Variants in PTPRE observed in about 807,000 individuals in gnomAD.
PTPRE encodes the protein protein tyrosine phosphatase receptor type E.
PTPRE carries 51 observed loss-of-function variants against 102.0 expected under a neutral mutation model. The ratio of observed to expected loss-of-function variants is 0.50; its 90% confidence interval spans 0.40 to 0.63. PTPRE has a LOEUF of 0.63. Ranked by LOEUF, PTPRE falls within the 30% of genes least tolerant of loss-of-function variation. The pLI is 0.00. For missense variants in PTPRE, 752 were observed against 915.1 expected, an observed-to-expected ratio of 0.82 and a Z score of 2.30; for synonymous variants, 345 against 348.2, an observed-to-expected ratio of 0.99 and a Z score of 0.10.
At chr10:127,910,849 T>C (rs1845820595) in intron 1 of PTPRE, among the ~76,000 whole-genome samples, 1 of 152,138 alleles carries the variant, frequency 6.6e-6, no homozygotes, top group Admixed American at 6.5e-5. Context: ...TTTGGGAGGC[T>C]GAAGCACGCA....
intron 20 of PTPRE, among the ~76,000 whole-genome samples, chr10:128,081,557 C>A (rs1168359864): frequency 6.6e-6 from 1 of 152,192 alleles, no homozygotes. Context: ...CCAGACTGAG[C>A]CAGCTTTGAT....
intron 1 of PTPRE, among the ~76,000 whole-genome samples, chr10:127,916,725 T>C (rs1846233859): frequency 6.6e-6 from 1 of 152,082 alleles, no homozygotes. Flanking sequence ...GTGGAAAGTT[T>C]AAGGATCACC....
At chr10:128,053,232 C>T (rs1848687808) in intron 6 of PTPRE, among the ~76,000 whole-genome samples, 1 of 152,136 alleles carries the variant, frequency 6.6e-6, no homozygotes, top group Non-Finnish European at 1.5e-5. Flanking sequence ...GCCTAGGTAA[C>T]AGAGTGAGAC....
At position 128,049,701 on chromosome 10, in the gene PTPRE, G is replaced by A. The variant is rs760371421; in HGVS notation, c.420+35G>A. 38 of 1,612,762 alleles carry A rather than the reference G, an allele frequency of 2.4e-5. No homozygotes were observed. In the Middle Eastern group the frequency reaches 4.9e-4, roughly 21 times the overall value. ...GGGAGGGCTCTCTGCTGGGTGCCCT[G>A]TGGTGGAGACCTGTGAAATCCAGTG... On this transcript the variant is annotated intron_variant, in intron 6 of 20. Coordinates refer to ENST00000254667, the MANE Select transcript of PTPRE (RefSeq NM_006504.6).
intron 2 of PTPRE, among the ~76,000 whole-genome samples, 158 bp downstream of exon 2, chr10:127,982,454 C>A (rs1851711015): frequency 6.6e-6 from 1 of 151,638 alleles, no homozygotes; most frequent in African/African-American, 2.4e-5. Flanking sequence ...CTTGCTTGAG[C>A]AGGCTCATAT....
intron 1 of PTPRE, among the ~76,000 whole-genome samples, chr10:127,912,905 C>T (rs1006633934): frequency 1.3e-5 from 2 of 152,226 alleles, no homozygotes; most frequent in Admixed American, 1.3e-4. Context: ...GGAGGCCTTC[C>T]CTGCCATGAT....
intron 19 of PTPRE, among the ~76,000 whole-genome samples, chr10:128,079,126 C>T (rs1851477272): frequency 1.3e-5 from 2 of 152,122 alleles, no homozygotes; most frequent in South Asian, 4.2e-4. Context: ...CAGAAGACAC[C>T]CCTGGCACAG....
chr10:128,073,538 A>G, intron 17 of PTPRE, 67 bp downstream of exon 17: 1 of 1,538,602 alleles, frequency 6.5e-7, no homozygotes, highest in Non-Finnish European at 8.8e-7. Context: ...GTCCCCGTTC[A>G]TTACAAATGT....
intron 2 of PTPRE, among the ~76,000 whole-genome samples, chr10:128,009,885 A>T (rs1844837435): frequency 6.6e-6 from 1 of 152,206 alleles, no homozygotes; most frequent in African/African-American, 2.4e-5. Flanking sequence ...CTCCATGGCC[A>T]GGAGTCAGGG....
At chr10:128,042,261 C>T (rs1027345151) in intron 3 of PTPRE, among the ~76,000 whole-genome samples, 1 of 152,194 alleles carries the variant, frequency 6.6e-6, no homozygotes, top group Non-Finnish European at 1.5e-5. Flanking sequence ...GCAGAACATC[C>T]GTTTGCGCAA....
intron 1 of PTPRE, among the ~76,000 whole-genome samples, chr10:127,935,600 C>T (rs2135263187): frequency 6.6e-6 from 1 of 152,234 alleles, no homozygotes; most frequent in Middle Eastern, 3.4e-3. Context: ...CTGGCAGGAC[C>T]CTGTCTCCAC....
intron 2 of PTPRE, among the ~76,000 whole-genome samples, chr10:128,025,237 T>C (rs1247600250): frequency 6.7e-6 from 1 of 149,588 alleles, no homozygotes; most frequent in Non-Finnish European, 1.5e-5. Context: ...TTAGACATAA[T>C]GGATTTTTTA....
intron 15 of PTPRE, chr10:128,071,462 G>T: frequency 6.3e-6 from 1 of 158,484 alleles, no homozygotes; most frequent in Non-Finnish European, 1.4e-5. Context: ...TGGGAGGAGT[G>T]GAGGCAAAGC....
In PTPRE at chr10:128,083,947, A is replaced by G. The variant is rs1783764272; in HGVS notation, c.*1041A>G. ...TAAACATTTCTTGTAAAAAGCTGAG[A>G]CAGTTTGTAAGAAAAGAATCCTTAA... On this transcript the variant is annotated 3_prime_UTR_variant, in exon 21 of 21. Coordinates refer to ENST00000254667, the MANE Select transcript of PTPRE (RefSeq NM_006504.6). The G allele has an allele frequency of 6.6e-6, 1 of 152,248 alleles. No homozygotes were observed. The highest frequency in any genetic ancestry group is 2.4e-5 in the African/African-American group (1 of 41,462). 9.4% of individuals were successfully genotyped at this position (152,248 alleles called of 1,614,324 possible).
At chr10:127,910,271 G>A (rs1189996995) in intron 1 of PTPRE, among the ~76,000 whole-genome samples, 1 of 152,128 alleles carries the variant, frequency 6.6e-6, no homozygotes, top group Admixed American at 6.5e-5. Flanking sequence ...CAGATCCCAA[G>A]ACTCAGCTCC....
At chr10:128,010,644 G>A (rs767107592) in intron 2 of PTPRE, among the ~76,000 whole-genome samples, 1 of 149,976 alleles carries the variant, frequency 6.7e-6, no homozygotes, top group Admixed American at 6.7e-5. Context: ...GGGCAGTGAG[G>A]GCAGTGGCGC....
At chr10:128,062,943 G>A (rs1849738974) in intron 9 of PTPRE, 140 bp from the exon 10 acceptor site, 1 of 1,445,218 alleles carries the variant, frequency 6.9e-7, no homozygotes, top group Non-Finnish European at 9.2e-7. Context: ...AACGCTTCAG[G>A]GCATGACGTG....
At chr10:128,066,997 C>T (rs975829144) in intron 11 of PTPRE, among the ~76,000 whole-genome samples, 2 of 150,824 alleles carry the variant, frequency 1.3e-5, no homozygotes, top group South Asian at 4.2e-4. Context: ...CACAGGCACA[C>T]ACACGTACAC....
intron 1 of PTPRE, among the ~76,000 whole-genome samples, chr10:127,976,963 T>A (rs1851229484): frequency 6.6e-6 from 1 of 152,228 alleles, no homozygotes; most frequent in Admixed American, 6.5e-5. Flanking sequence ...GCAGGGGCCG[T>A]GGCTGCGGTT....
Sources: gnomAD v4.1 joint callset for allele counts (sites outside exome capture counted in the v4.1 genomes callset) on GRCh38, gnomAD v4.1.1 for gene constraint, MANE v1.5 for transcripts, NCBI Gene and HGNC (gene_info 2026-07-23, HGNC 2026-07-21) for gene names.